CD28: variants seen among roughly 807,000 people sequenced by gnomAD.
The protein encoded by CD28 is T-cell-specific surface glycoprotein CD28.
In CD28, 8 loss-of-function variants were observed where a neutral mutation model predicts 21.4. The ratio of observed to expected loss-of-function variants is 0.37; its 90% CI spans 0.22 to 0.68. CD28 has a LOEUF of 0.68. Among genes scored for constraint, CD28 ranks in the 30% least tolerant of loss-of-function variants. The pLI is 0.55. For missense variants in CD28, 239 were observed against 272.2 expected (o/e 0.88, Z 0.86); for synonymous variants, 106 against 104.0 (o/e 1.02, Z -0.12).
intron 1 of CD28, among the ~76,000 whole-genome samples, chr2:203,708,860 G>A (rs1693232558): frequency 6.6e-6 from 1 of 152,186 alleles, no homozygotes. Flanking sequence ...TGGTGTGGTG[G>A]CTCACGCCTG....
chr2:203,731,802 G>T (rs1293593355), intron 3 of CD28, among the ~76,000 whole-genome samples: 2 of 152,076 alleles, frequency 1.3e-5, no homozygotes, highest in Non-Finnish European at 2.9e-5. Context: ...GATTCATCTT[G>T]CTTTGTTTTA....
chr2:203,735,833 C>T lies in CD28; in HGVS notation c.*921C>T, dbSNP rs1430202787. On this transcript the variant is annotated 3_prime_UTR_variant, in exon 4 of 4. Coordinates refer to ENST00000324106, the MANE Select transcript of CD28 (RefSeq NM_006139.4). The stretch of plus-strand genomic sequence containing the variant: ...GACCAGCCTGGTCAAGATGGTGAAA[C>T]TCCGTCTGTACTAAAAATACAAAAT... 6.6e-6 allele frequency: 1 copy of T among 152,114 alleles called. No homozygotes were observed. Among genetic ancestry groups the T allele is most frequent in the African/African-American group, 2.4e-5 (1 of 41,408 alleles). The allele number at this position is 152,114 out of a possible 1,614,324, so 9.4% of individuals were successfully genotyped here.
At chr2:203,728,711 G>A (rs1432011455) in intron 2 of CD28, among the ~76,000 whole-genome samples, 2 of 152,092 alleles carry the variant, frequency 1.3e-5, no homozygotes, top group Non-Finnish European at 2.9e-5. Context: ...AAAAAATTAT[G>A]CTATTTTGCT....
At chr2:203,724,378 A>G (rs1232144519) in intron 1 of CD28, among the ~76,000 whole-genome samples, 1 of 152,220 alleles carries the variant, frequency 6.6e-6, no homozygotes, top group Non-Finnish European at 1.5e-5. Context: ...CAAACTTTAT[A>G]GTACCTGAAT....
intron 1 of CD28, among the ~76,000 whole-genome samples, chr2:203,723,708 CCAGGATGGCTATAATAGAAAAGATGAA>C (rs908748523): frequency 6.6e-6 from 1 of 152,100 alleles, no homozygotes; most frequent in African/African-American, 2.4e-5. Context: ...TTCACGTCCA[CCAGGATGGCTATAATAGAAAAGATGAA>C]CAATAACAAG....
At chr2:203,711,391 CA>C (rs1246727562) in intron 1 of CD28, among the ~76,000 whole-genome samples, 1 of 152,158 alleles carries the variant, frequency 6.6e-6, no homozygotes, top group Non-Finnish European at 1.5e-5. Context: ...ATGTTAATTT[CA>C]AAGGCATGTT....
chr2:203,736,798 G>A lies in CD28; in HGVS notation c.*1886G>A, dbSNP rs976326805. 1 of 152,200 alleles carries A rather than the reference G, an allele frequency of 6.6e-6. No homozygotes were observed. The highest frequency in any genetic ancestry group is 1.5e-5 in the Non-Finnish European group (1 of 68,048). 9.4% of individuals were successfully genotyped at this position (152,200 alleles called of 1,614,324 possible). A position where few individuals can be genotyped will look rare whatever the true frequency, so the allele number is the denominator to read the frequency against. On this transcript the variant is annotated 3_prime_UTR_variant, in exon 4 of 4. Transcript: ENST00000324106. ...TCTTCAACTATAAAATGGAGATAATGGTTACAAATGTCTCTTCCTATAGTA... is the reference window on the plus strand; with the variant it reads ...TCTTCAACTATAAAATGGAGATAATAGTTACAAATGTCTCTTCCTATAGTA...
intron 1 of CD28, among the ~76,000 whole-genome samples, chr2:203,712,194 C>CAA (rs1419975643): frequency 0.018 from 1,513 of 82,646 alleles, 15 homozygotes; most frequent in African/African-American, 0.052. Flanking sequence ...TCCGTCTCAA[C>CAA]AACAACAAAA....
At position 203,706,688 on chromosome 2, in the gene CD28, A is replaced by G. The variant is rs757097380; in HGVS notation, c.-9A>G. ...GGGGCTGGAACCCTAGCCCATCGTC[A>G]GGACAAAGATGCTCAGGCTGCTCTT... On this transcript the variant is annotated 5_prime_UTR_variant, in exon 1 of 4. Transcript: ENST00000324106. 1.2e-6 allele frequency: 2 copies of G among 1,614,154 alleles called. No individual in the cohort carries two copies. Among genetic ancestry groups the G allele is most frequent in the South Asian group, 1.1e-5 (1 of 91,086 alleles).
chr2:203,718,459 G>T (rs1421012202), intron 1 of CD28, among the ~76,000 whole-genome samples: 2 of 152,090 alleles, frequency 1.3e-5, no homozygotes, highest in Non-Finnish European at 2.9e-5. Context: ...AATATCACAG[G>T]GCAAAATGGC....
chr2:203,707,139 C>T (rs953457981), intron 1 of CD28, among the ~76,000 whole-genome samples: 12 of 151,848 alleles, frequency 7.9e-5, no homozygotes, highest in Non-Finnish European at 1.5e-4. Context: ...CTACCATGCC[C>T]GGCCAATAAT....
intron 1 of CD28, among the ~76,000 whole-genome samples, chr2:203,713,002 A>G (rs893529384): frequency 6.6e-6 from 1 of 152,196 alleles, no homozygotes; most frequent in African/African-American, 2.4e-5. Context: ...TCACAAAGCT[A>G]CTAAGTATGT....
intron 1 of CD28, among the ~76,000 whole-genome samples, chr2:203,717,574 C>T (rs1183834601): frequency 6.6e-6 from 1 of 152,206 alleles, no homozygotes; most frequent in Non-Finnish European, 1.5e-5. Flanking sequence ...TTTGTGTGTG[C>T]CATCTGTTTT....
chr2:203,707,981 C>T (rs1374763583), intron 1 of CD28, among the ~76,000 whole-genome samples: 2 of 152,132 alleles, frequency 1.3e-5, no homozygotes, highest in Non-Finnish European at 1.5e-5. Context: ...AAAAGGCCCC[C>T]GCTTGGTTCA....
intron 2 of CD28, among the ~76,000 whole-genome samples, chr2:203,727,430 TTTCCTTCC>T (rs762878963): frequency 6.3e-4 from 62 of 98,890 alleles, no homozygotes; most frequent in Non-Finnish European, 9.3e-4. Context: ...CCATTTTCTT[TTTCCTTCC>T]TTCCTTCCTT....
rs990409375 is a variant in CD28 at position 203,736,514 on chromosome 2, G to C, written c.*1602G>C. ...TATTTTGGAATGTGTCTTTTGAAGA[G>C]AGCATCAGAGTTCTTAAGGGACTGG... On this transcript the variant is annotated 3_prime_UTR_variant, in exon 4 of 4. Coordinates refer to ENST00000324106, the MANE Select transcript of CD28 (RefSeq NM_006139.4). 1 of 152,244 alleles carries C rather than the reference G, an allele frequency of 6.6e-6. No individual in the cohort carries two copies. The highest frequency in any genetic ancestry group is 6.5e-5 in the Admixed American group (1 of 15,288). 9.4% of individuals were successfully genotyped at this position (152,244 alleles called of 1,614,324 possible).
chr2:203,725,011 C>T (rs1216754788), intron 1 of CD28, among the ~76,000 whole-genome samples: 1 of 152,016 alleles, frequency 6.6e-6, no homozygotes, highest in Non-Finnish European at 1.5e-5. Flanking sequence ...TTCTTGAGGG[C>T]CAGGCGCAGT....
Position 203,726,626 on chromosome 2 carries a change from C to T in CD28, c.53-7C>T, listed in dbSNP as rs1409827006. On this transcript the variant is annotated splice_region_variant and splice_polypyrimidine_tract_variant and intron_variant, in intron 1 of 3. Transcript: ENST00000324106. ...TGTTCTAAGCAAATGATTTTTTTTTCCCCCAGGAAACAAGATTTTGGTGAA... is the reference window on the plus strand; with the variant it reads ...TGTTCTAAGCAAATGATTTTTTTTTTCCCCAGGAAACAAGATTTTGGTGAA... The T allele has an allele frequency of 1.9e-6, 3 of 1,562,798 alleles. No homozygotes were observed. Among genetic ancestry groups the T allele is most frequent in the Admixed American group, 1.9e-5 (1 of 52,190 alleles).
At chr2:203,728,983 G>A (rs560200361) in intron 2 of CD28, among the ~76,000 whole-genome samples, 74 of 152,252 alleles carry the variant, frequency 4.9e-4, no homozygotes, top group African/African-American at 1.5e-3. Flanking sequence ...CTGGACATCA[G>A]TATATTTTCA....
Sources: allele counts gnomAD v4.1 joint callset (sites outside exome capture counted in the v4.1 genomes callset), GRCh38; gene constraint gnomAD v4.1.1; transcripts MANE v1.5; gene names NCBI Gene and HGNC (gene_info 2026-07-23, HGNC 2026-07-21).